Variants in DIAPH1 observed in about 807,000 individuals in gnomAD.
The protein encoded by DIAPH1 is protein diaphanous homolog 1.
DIAPH1 carries 46 observed loss-of-function variants against 140.7 expected under a neutral mutation model. The ratio of observed to expected loss-of-function variants is 0.33; its 90% CI spans 0.26 to 0.42. The LOEUF (loss-of-function observed/expected upper bound fraction) is 0.42. Ranked by LOEUF, DIAPH1 falls within the 10% of genes least tolerant of loss-of-function variation. DIAPH1 has a pLI of 1.00. For missense variants in DIAPH1, 1,310 were observed against 1,558.7 expected (o/e 0.84, Z 2.69); for synonymous variants, 565 against 551.6 (o/e 1.02, Z -0.34).
At chr5:141,614,768 TC>T (rs1278040262) in intron 1 of DIAPH1, among the ~76,000 whole-genome samples, 7 of 151,258 alleles carry the variant, frequency 4.6e-5, no homozygotes, top group Non-Finnish European at 8.8e-5. Flanking sequence ...TCCTGTAGGC[TC>T]CCCTCCCTCT....
intron 6 of DIAPH1, 149 bp from the exon 7 acceptor site, chr5:141,582,524 G>T: frequency 1.5e-6 from 1 of 658,280 alleles, no homozygotes; most frequent in Non-Finnish European, 2.8e-6. Context: ...AACCACTGAA[G>T]AAAATAGATA....
intron 21 of DIAPH1, 56 bp downstream of exon 21, chr5:141,529,116 G>C (rs1452476732): frequency 1.3e-6 from 2 of 1,563,034 alleles, no homozygotes; most frequent in Non-Finnish European, 1.8e-6. Context: ...CTGCTCTCTA[G>C]AGGGGAGGGG....
chr5:141,572,045 G>C lies in DIAPH1; in HGVS notation c.2359-5C>G. ...GGAGAGGTCCTCAGCCACAAGCTGT[G>C]GATAAAGGCAGGGTGTTAAGAATTA... On this transcript the variant is annotated splice_polypyrimidine_tract_variant and splice_region_variant and intron_variant, in intron 16 of 27. Coordinates refer to ENST00000389054, the MANE Select transcript of DIAPH1 (RefSeq NM_005219.5). The C allele has an allele frequency of 1.9e-6, 3 of 1,599,376 alleles. No homozygotes were observed. Among genetic ancestry groups the C allele is most frequent in the Non-Finnish European group, 2.6e-6 (3 of 1,166,500 alleles).
chr5:141,591,695 G>GAGATAGATAGATATAT (rs1212743856), intron 1 of DIAPH1, among the ~76,000 whole-genome samples: 3 of 86,326 alleles, frequency 3.5e-5, no homozygotes, highest in African/African-American at 1.7e-4. Context: ...GGGAGATGGG[G>GAGATAGATAGATATAT]ATATATATAT....
intron 1 of DIAPH1, among the ~76,000 whole-genome samples, chr5:141,603,028 G>GCC (rs1562346160): frequency 6.6e-6 from 1 of 152,178 alleles, no homozygotes; most frequent in Non-Finnish European, 1.5e-5. Flanking sequence ...AGGAAGTCTA[G>GCC]AAGAGGGGCA....
At chr5:141,529,582 C>G in intron 20 of DIAPH1, 21 bp downstream of exon 20, 1 of 1,597,318 alleles carries the variant, frequency 6.3e-7, no homozygotes. Context: ...CCTGCTCCAG[C>G]AGAACCACCT....
chr5:141,572,764 A>C (rs535003775), intron 16 of DIAPH1, among the ~76,000 whole-genome samples: 1,608 of 100,638 alleles, frequency 0.016, 33 homozygotes, highest in African/African-American at 0.075. Context: ...CAAGACTCCA[A>C]CTCAAAAAAA....
At chr5:141,561,820 A>AT (rs2099893588) in intron 18 of DIAPH1, 1 of 152,260 alleles carries the variant, frequency 6.6e-6, no homozygotes, top group African/African-American at 2.4e-5. Context: ...CGAGAGTTCT[A>AT]ATACATGGAA....
chr5:141,590,486 C>G (rs951302428), intron 1 of DIAPH1, among the ~76,000 whole-genome samples: 3 of 152,138 alleles, frequency 2.0e-5, no homozygotes, highest in African/African-American at 7.2e-5. Flanking sequence ...TTTGTCACCA[C>G]CCTAAGTCCC....
intron 1 of DIAPH1, among the ~76,000 whole-genome samples, chr5:141,602,759 A>C (rs1369840132): frequency 6.6e-6 from 1 of 152,230 alleles, no homozygotes; most frequent in East Asian, 1.9e-4. Flanking sequence ...CCACTCCTTA[A>C]ACAGAAGTCA....
In DIAPH1 at chr5:141,584,168, T is replaced by C. The variant is rs2099897194; in HGVS notation, c.358A>G (p.Ile120Val). The C allele has an allele frequency of 6.8e-6, 11 of 1,613,316 alleles. No homozygotes were observed. The highest frequency in any genetic ancestry group is 9.3e-6 in the Non-Finnish European group (11 of 1,179,376). ...TATTGGGACACCATCTCCCTCTTGA[T>C]GATGATGTCCTTCTCCCTCAAAGGT... ...QQPLREKDIIIKREMVSQYLY... is the reference protein window; with the variant it reads ...QQPLREKDIIVKREMVSQYLY... The change falls in exon 4 of 28, where the codon ATC becomes GTC. Residue 120 changes from isoleucine to valine, a missense_variant. Physicochemically the swap from Ile to Val is conservative, Grantham distance 29. Transcript: ENST00000389054.
chr5:141,598,369 T>C lies in DIAPH1; in HGVS notation c.118-10119A>G, dbSNP rs2099899637. ...TAGCTGGTACAGGAAAATAATTTAA[T>C]AGAATTGCATGTATTAAAATGAGCT... On this transcript the variant is annotated intron_variant, in intron 1 of 27. Transcript: ENST00000389054. 2.0e-5 allele frequency among the ~76,000 whole-genome samples: 3 copies of C among 152,232 alleles called. No individual in the cohort carries two copies. In the South Asian group the frequency reaches 6.2e-4, roughly 31 times the overall value.
intron 18 of DIAPH1, among the ~76,000 whole-genome samples, chr5:141,545,462 G>A (rs2099890650): frequency 6.6e-6 from 1 of 152,112 alleles, no homozygotes; most frequent in Non-Finnish European, 1.5e-5. Context: ...ACCAGCCTAG[G>A]CGACACAGTC....
intron 20 of DIAPH1, 71 bp downstream of exon 20, chr5:141,529,532 C>T: frequency 8.0e-7 from 1 of 1,254,040 alleles, no homozygotes. Flanking sequence ...TCCTCTTCAT[C>T]TACACAGAGA....
At position 141,580,801 on chromosome 5, in the gene DIAPH1, A is replaced by G. The variant is rs532196989; in HGVS notation, c.767T>C (p.Met256Thr). 6.2e-6 allele frequency: 10 copies of G among 1,614,232 alleles called. No homozygotes were observed. The East Asian group carries it at 2.2e-4, about 36-fold the overall frequency. ...AGAAAGCAGCTTAGCTGCATCAATCATCATGTTGGGAACAGCAGGATCCAT... is the reference window on the plus strand; with the variant it reads ...AGAAAGCAGCTTAGCTGCATCAATCGTCATGTTGGGAACAGCAGGATCCAT... Reference protein sequence around the residue: ...RAMDPAVPNMMIDAAKLLSAL... With the variant: ...RAMDPAVPNMTIDAAKLLSAL... Residue 256 changes from methionine to threonine, a missense_variant, in exon 8 of 28, where the codon ATG becomes ACG. Physicochemically the swap from Met to Thr is moderately conservative, Grantham distance 81. This residue lies in a region of DIAPH1 where 377 missense variants were observed against 497.1 expected (regional missense o/e 0.76). Coordinates refer to ENST00000389054, the MANE Select transcript of DIAPH1 (RefSeq NM_005219.5).
chr5:141,517,076 C>G (rs1008936590), intron 27 of DIAPH1, 68 bp from the exon 28 acceptor site: 1 of 1,582,616 alleles, frequency 6.3e-7, no homozygotes, highest in African/African-American at 1.3e-5. Context: ...AACTCTACAG[C>G]AGATAATCAG....
chr5:141,584,531 C>G (rs1374493735), intron 3 of DIAPH1, among the ~76,000 whole-genome samples: 1 of 152,168 alleles, frequency 6.6e-6, no homozygotes, highest in Non-Finnish European at 1.5e-5. Context: ...ACAATGCTTT[C>G]TGCATCAAGG....
At chr5:141,538,749 A>G (rs1320618307) in intron 18 of DIAPH1, among the ~76,000 whole-genome samples, 1 of 151,868 alleles carries the variant, frequency 6.6e-6, no homozygotes, top group Non-Finnish European at 1.5e-5. Context: ...GCTAACATTT[A>G]TATTTCTTGT....
intron 18 of DIAPH1, chr5:141,561,666 T>G (rs1467535837): frequency 2.0e-5 from 3 of 152,222 alleles, no homozygotes; most frequent in Non-Finnish European, 4.4e-5. Flanking sequence ...TACAGTAGTC[T>G]GGTATATTCC....
Sources: gnomAD v4.1 joint callset for allele counts (sites outside exome capture counted in the v4.1 genomes callset) on GRCh38, gnomAD v4.1.1 for gene constraint, gnomAD v4.1.1 regional missense constraint, MANE v1.5 for transcripts, NCBI Gene and HGNC (gene_info 2026-07-23, HGNC 2026-07-21) for gene names.